Variants in NDUFAB1 observed in about 807,000 individuals in gnomAD.
NDUFAB1 encodes the protein acyl carrier protein, mitochondrial.
In NDUFAB1, 5 loss-of-function variants were observed where a neutral mutation model predicts 16.1. That is an observed-to-expected ratio of 0.31 (90% CI 0.16 to 0.65). The LOEUF (loss-of-function observed/expected upper bound fraction) is 0.65, where lower values mean the gene tolerates loss of function less well. Ranked by LOEUF, NDUFAB1 falls within the 30% of genes least tolerant of loss-of-function variation. The pLI is 0.77. For synonymous variants in NDUFAB1, 85 were observed against 78.4 expected, an observed-to-expected ratio of 1.08 and a Z score of -0.44; for missense variants, 187 against 205.3, an observed-to-expected ratio of 0.91 and a Z score of 0.54.
intron 1 of NDUFAB1, among the ~76,000 whole-genome samples, chr16:23,590,638 C>CTATTTCTTTTTTTTTTTT (rs574003194): frequency 7.6e-6 from 1 of 131,834 alleles, no homozygotes; most frequent in African/African-American, 2.9e-5. Context: ...CCTCTGGTCT[C>CTATTTCTTTTTTTTTTTT]TTTTTTTTTT....
Position 23,585,396 on chromosome 16 carries a change from C to T in NDUFAB1, c.319G>A (p.Asp107Asn). 6.2e-7 allele frequency: 1 copy of T among 1,613,960 alleles called. No individual in the cohort carries two copies. Among genetic ancestry groups the T allele is most frequent in the Non-Finnish European group, 8.5e-7 (1 of 1,179,858 alleles). Residue 107 changes from aspartate to asparagine, a missense_variant, in exon 3 of 5, where the codon GAC becomes AAC. By Grantham distance (23) the Asp-to-Asn change is conservative. This residue lies in a region of NDUFAB1 where 20 missense variants were observed against 47.1 expected (regional missense o/e 0.42). Coordinates refer to ENST00000007516, the MANE Select transcript of NDUFAB1 (RefSeq NM_005003.3). ...KLSVNSHFMK[D>N]LGLDSLDQVE... The stretch of plus-strand genomic sequence containing the variant: ...TGGTCCAAACTGTCTAAGCCCAGGT[C>T]TTTCATAAAATGAGAATTTACTGAA...
intron 1 of NDUFAB1, chr16:23,595,770 T>A (rs1340967850): frequency 4.2e-6 from 2 of 472,070 alleles, no homozygotes; most frequent in Non-Finnish European, 7.9e-6. Context: ...CCGTACGAGG[T>A]GCTCTAGCCG....
intron 1 of NDUFAB1, among the ~76,000 whole-genome samples, chr16:23,587,959 G>T (rs1966247623): frequency 6.6e-6 from 1 of 152,260 alleles, no homozygotes; most frequent in Admixed American, 6.5e-5. Flanking sequence ...AGCCCTTCTG[G>T]CCTGTGCCAT....
Position 23,595,496 on chromosome 16 carries a change from C to T in NDUFAB1, c.168+627G>A, listed in dbSNP as rs540593832. On this transcript the variant is annotated intron_variant, in intron 1 of 4. Coordinates refer to ENST00000007516, the MANE Select transcript of NDUFAB1 (RefSeq NM_005003.3). Reference sequence around the variant, plus strand: ...TGCCCTCCTTATACGCGGGGCGGCACATCCCGTAAATACTGGTCGCGTTTG... The same window carrying T: ...TGCCCTCCTTATACGCGGGGCGGCATATCCCGTAAATACTGGTCGCGTTTG... The T allele has an allele frequency of 6.3e-4, 280 of 444,410 alleles. 2 individuals are homozygous for T. Among genetic ancestry groups the T allele is most frequent in the African/African-American group, 5.3e-3 (266 of 49,824 alleles). 27.5% of individuals were successfully genotyped at this position (444,410 alleles called of 1,614,324 possible).
intron 2 of NDUFAB1, among the ~76,000 whole-genome samples, chr16:23,586,716 T>G (rs1966236372): frequency 6.6e-6 from 1 of 151,930 alleles, no homozygotes; most frequent in Non-Finnish European, 1.5e-5. Flanking sequence ...TCACGCTATC[T>G]CGGCTCACTG....
intron 1 of NDUFAB1, among the ~76,000 whole-genome samples, chr16:23,592,225 T>C (rs1218718201): frequency 6.6e-6 from 1 of 151,768 alleles, no homozygotes; most frequent in African/African-American, 2.4e-5. Context: ...AGGCCAGTTA[T>C]CCCAGCTAGT....
chr16:23,592,977 A>G (rs1201738246), intron 1 of NDUFAB1, among the ~76,000 whole-genome samples: 3 of 152,212 alleles, frequency 2.0e-5, no homozygotes, highest in Non-Finnish European at 4.4e-5. Flanking sequence ...GTGTGGTAAG[A>G]GAACTCGGGA....
intron 1 of NDUFAB1, among the ~76,000 whole-genome samples, chr16:23,593,282 A>C (rs1567409820): frequency 6.6e-6 from 1 of 152,314 alleles, no homozygotes; most frequent in East Asian, 1.9e-4. Context: ...CTGAAAGGCA[A>C]AGTGTCCCAA....
At chr16:23,589,205 A>T (rs1301069365) in intron 1 of NDUFAB1, among the ~76,000 whole-genome samples, 1 of 152,046 alleles carries the variant, frequency 6.6e-6, no homozygotes, top group Non-Finnish European at 1.5e-5. Context: ...CTGAAGCAGA[A>T]GAATCGCTTG....
intron 1 of NDUFAB1, among the ~76,000 whole-genome samples, chr16:23,587,543 C>A (rs1316921050): frequency 6.6e-6 from 1 of 152,194 alleles, no homozygotes; most frequent in Non-Finnish European, 1.5e-5. Flanking sequence ...GAGTCAGGAC[C>A]GGCCCCTCTG....
rs560067741 is a variant in NDUFAB1, at chr16:23,592,461, G to A, written c.168+3662C>T. Reference sequence around the variant, plus strand: ...TTGGAGGCTAAGAGGGAGGGCCCAGGTCTGCAGAGCCTTAAGGGCCATGGG... The same window carrying A: ...TTGGAGGCTAAGAGGGAGGGCCCAGATCTGCAGAGCCTTAAGGGCCATGGG... On this transcript the variant is annotated intron_variant, in intron 1 of 4. Transcript: ENST00000007516. Among the ~76,000 whole-genome samples, 67 of 152,270 alleles carry A rather than the reference G, an allele frequency of 4.4e-4. 1 individual carries two copies. Among genetic ancestry groups the A allele is most frequent in the African/African-American group, 1.5e-3 (61 of 41,566 alleles).
chr16:23,587,098 C>T (rs1966240028), intron 2 of NDUFAB1, 99 bp downstream of exon 2: 2 of 1,239,662 alleles, frequency 1.6e-6, no homozygotes. Flanking sequence ...TGTCTGGGAG[C>T]CAGGGAGATT....
At chr16:23,594,006 G>A (rs1966301545) in intron 1 of NDUFAB1, among the ~76,000 whole-genome samples, 1 of 151,760 alleles carries the variant, frequency 6.6e-6, no homozygotes, top group African/African-American at 2.4e-5. Context: ...TCAGCCTCCC[G>A]AGTAGCTGGG....
chr16:23,582,182 C>G (rs1382181838), intron 4 of NDUFAB1, 94 bp downstream of exon 4: 2 of 1,330,132 alleles, frequency 1.5e-6, no homozygotes, highest in East Asian at 6.0e-5. Context: ...AAATCTTGGT[C>G]AAGCATTTCC....
chr16:23,583,902 G>C (rs978745885), intron 3 of NDUFAB1, among the ~76,000 whole-genome samples: 1 of 152,046 alleles, frequency 6.6e-6, no homozygotes, highest in African/African-American at 2.4e-5. Context: ...ACTCCATTTT[G>C]TTCTGTACTA....
intron 1 of NDUFAB1, chr16:23,595,710 GC>G: frequency 2.2e-6 from 1 of 457,318 alleles, no homozygotes; most frequent in South Asian, 1.6e-5. Flanking sequence ...CAGTGTGGCT[GC>G]CTCTTTGCAT....
At position 23,595,349 on chromosome 16, in the gene NDUFAB1, C is replaced by G; in HGVS notation, c.168+774G>C. 8.5e-6 allele frequency: 3 copies of G among 353,746 alleles called. No homozygotes were observed. In the Admixed American group the frequency reaches 1.1e-4, roughly 13 times the overall value. 21.9% of individuals were successfully genotyped at this position (353,746 alleles called of 1,614,324 possible). On this transcript the variant is annotated intron_variant, in intron 1 of 4. Transcript: ENST00000007516. ...AGATTTCATCAGCTCAAGCTATATA[C>G]TACAGGTACAGTCGTTCCTTGGTAT... is the stretch of plus-strand genomic sequence containing the variant.
chr16:23,591,717 A>C (rs1311687328), intron 1 of NDUFAB1, among the ~76,000 whole-genome samples: 2 of 152,170 alleles, frequency 1.3e-5, no homozygotes, highest in South Asian at 4.1e-4. Context: ...GTTCCCTTCC[A>C]GACACCCTAA....
intron 1 of NDUFAB1, among the ~76,000 whole-genome samples, chr16:23,592,116 G>A (rs1487129035): frequency 6.6e-6 from 1 of 152,212 alleles, no homozygotes; most frequent in Non-Finnish European, 1.5e-5. Context: ...AAAGGAGGAT[G>A]CCAGACTTGG....
Sources: gnomAD v4.1 joint callset for allele counts (sites outside exome capture counted in the v4.1 genomes callset) on GRCh38, gnomAD v4.1.1 for gene constraint, gnomAD v4.1.1 regional missense constraint, MANE v1.5 for transcripts, NCBI Gene and HGNC (gene_info 2026-07-23, HGNC 2026-07-21) for gene names.